VIPR2: variants seen among roughly 807,000 people sequenced by gnomAD.
VIPR2 encodes vasoactive intestinal peptide receptor 2.
VIPR2 carries 48 observed loss-of-function variants against 58.0 expected under a neutral mutation model. That is an observed-to-expected ratio of 0.83 (90% confidence interval 0.66 to 1.05). VIPR2 has a LOEUF of 1.05. Among genes scored for constraint, VIPR2 ranks in the 50% least tolerant of loss-of-function variants. VIPR2 has a pLI of 0.00. For missense variants in VIPR2, 534 were observed against 558.0 expected (o/e 0.96, Z 0.43); for synonymous variants, 243 against 235.2 (o/e 1.03, Z -0.30).
At chr7:159,101,482 A>G (rs372833185) in intron 4 of VIPR2, among the ~76,000 whole-genome samples, 393 of 60,838 alleles carry the variant, frequency 6.5e-3, no homozygotes, top group Middle Eastern at 0.03. Context: ...GAGATCCGAC[A>G]AGGCCGTTCC....
chr7:159,096,168 G>A lies in VIPR2; in HGVS notation c.357+7589C>T, dbSNP rs145875305. ...GGACCCTTCCCCAGAGCACAATGCC[G>A]GAGGTCCCACCCAAGGCTGCCCAAG... On this transcript the variant is annotated intron_variant, in intron 4 of 12. Coordinates refer to ENST00000262178, the MANE Select transcript of VIPR2 (RefSeq NM_003382.5). The surrounding 1 kb of genome is among the most constrained non-coding windows in gnomAD (Gnocchi z 5.5). Among the ~76,000 whole-genome samples, 281 of 152,288 alleles carry A rather than the reference G, an allele frequency of 1.8e-3. 2 individuals carry two copies. Among genetic ancestry groups the A allele is most frequent in the Middle Eastern group, 0.01 (3 of 294 alleles).
chr7:159,072,121 G>C (rs1481803312), intron 4 of VIPR2, among the ~76,000 whole-genome samples: 1 of 149,062 alleles, frequency 6.7e-6, no homozygotes, highest in African/African-American at 2.6e-5. Context: ...GTACCGGCAG[G>C]TAAGAAAACA....
intron 4 of VIPR2, among the ~76,000 whole-genome samples, chr7:159,070,454 A>T (rs950240074): frequency 1.3e-5 from 2 of 152,054 alleles, no homozygotes; most frequent in Admixed American, 6.6e-5. Context: ...GTTTATGCCC[A>T]GTTTCTCATG....
At chr7:159,107,420 CCCT>C (rs1795796199) in intron 3 of VIPR2, among the ~76,000 whole-genome samples, 1 of 152,234 alleles carries the variant, frequency 6.6e-6, no homozygotes, top group South Asian at 2.1e-4. Flanking sequence ...GTGCCTCTCA[CCCT>C]GGCTCCCTGC....
rs772021947 is a variant in VIPR2 at position 159,127,154 on chromosome 7, A to G, written c.151+15292T>C. Among the ~76,000 whole-genome samples, 2 of 152,226 alleles carry G rather than the reference A, an allele frequency of 1.3e-5. No individual in the cohort carries two copies. Among genetic ancestry groups the G allele is most frequent in the Non-Finnish European group, 2.9e-5 (2 of 68,046 alleles). On this transcript the variant is annotated intron_variant, in intron 2 of 12. Coordinates refer to ENST00000262178, the MANE Select transcript of VIPR2 (RefSeq NM_003382.5). The surrounding 1 kb of genome is among the most constrained non-coding windows in gnomAD (Gnocchi z 4.6). Reference sequence around the variant, plus strand: ...CTTCAGATGACTCAGATACGCTGACATTCTGTCTAATTAGTGCGCTGCATG... The same window carrying G: ...CTTCAGATGACTCAGATACGCTGACGTTCTGTCTAATTAGTGCGCTGCATG...
intron 3 of VIPR2, among the ~76,000 whole-genome samples, chr7:159,104,777 C>A (rs1002068240): frequency 6.6e-6 from 1 of 151,700 alleles, no homozygotes; most frequent in Non-Finnish European, 1.5e-5. Flanking sequence ...CCAGCCAGCA[C>A]CCTTGCCACC....
chr7:159,072,290 C>G (rs1170513323), intron 4 of VIPR2, among the ~76,000 whole-genome samples: 1 of 152,206 alleles, frequency 6.6e-6, no homozygotes, highest in Non-Finnish European at 1.5e-5. Context: ...CTAAAGCTTA[C>G]AGAATGACAC....
At chr7:159,032,246 C>G (rs1205701227) in intron 10 of VIPR2, among the ~76,000 whole-genome samples, 179 bp from the exon 11 acceptor site, 1 of 152,218 alleles carries the variant, frequency 6.6e-6, no homozygotes, top group East Asian at 1.9e-4. Context: ...TGTCTGAGGC[C>G]CCTGTGCATA....
chr7:159,079,795 A>T (rs1856815178), intron 4 of VIPR2, among the ~76,000 whole-genome samples: 1 of 152,234 alleles, frequency 6.6e-6, no homozygotes, highest in Admixed American at 6.5e-5. Context: ...ATCACCACCA[A>T]TCCCACAGAA....
At chr7:159,107,322 C>T (rs528226729) in intron 3 of VIPR2, among the ~76,000 whole-genome samples, 32 of 152,210 alleles carry the variant, frequency 2.1e-4, no homozygotes, top group Non-Finnish European at 4.4e-5. Flanking sequence ...GGTCAGCACA[C>T]AGCTGTCGGA....
At chr7:159,103,351 AC>A (rs1397089729) in intron 4 of VIPR2, among the ~76,000 whole-genome samples, 3 of 152,166 alleles carry the variant, frequency 2.0e-5, no homozygotes, top group African/African-American at 7.2e-5. Context: ...GGCTCAGGAA[AC>A]CATGGCGCTG....
At position 159,103,850 on chromosome 7, in the gene VIPR2, G is replaced by A. The variant is rs987392999; in HGVS notation, c.264C>T (p.Asn88=). 4.3e-6 allele frequency: 7 copies of A among 1,613,766 alleles called. No homozygotes were observed. The African/African-American group carries it at 9.3e-5, about 22-fold the overall frequency. ...CGTCACTCGTACAGTTTTTGCTTAT[G>A]TTTCCTGGAAAGTGAAGTTCAGATA... ...VFSNFYSKAG[N]ISKNCTSDGW... The change falls in exon 4 of 13, where the codon AAC becomes AAT. Residue 88 remains asparagine (N), a synonymous_variant. Transcript: ENST00000262178.
chr7:159,069,942 T>C (rs897699288), intron 4 of VIPR2, among the ~76,000 whole-genome samples: 1 of 152,202 alleles, frequency 6.6e-6, no homozygotes, highest in Non-Finnish European at 1.5e-5. Context: ...TTTCCTTCTG[T>C]AGTTTGTCAA....
At chr7:159,139,362 G>C (rs1344741961) in intron 2 of VIPR2, among the ~76,000 whole-genome samples, 1 of 152,110 alleles carries the variant, frequency 6.6e-6, no homozygotes, top group Non-Finnish European at 1.5e-5. Context: ...ACTGCTCCTG[G>C]GGGGCTTGAG....
chr7:159,084,296 G>C (rs1226773484), intron 4 of VIPR2, among the ~76,000 whole-genome samples: 2 of 152,264 alleles, frequency 1.3e-5, no homozygotes, highest in Non-Finnish European at 2.9e-5. Flanking sequence ...AGTGCTCGGG[G>C]CAGGAACTCT....
In VIPR2 at chr7:159,128,138, G is replaced by A. The variant is rs1039357073; in HGVS notation, c.151+14308C>T. ...TCAGGCTCCTGCTGCCTCTGCCCCT[G>A]AGGGATGTGACGGGGGTGGGGGGAC... On this transcript the variant is annotated intron_variant, in intron 2 of 12. Transcript: ENST00000262178. This position sits in a 1 kb window ranked among gnomAD's most constrained non-coding sequence, Gnocchi z 4.1. Among the ~76,000 whole-genome samples, 2 of 152,158 alleles carry A rather than the reference G, an allele frequency of 1.3e-5. No homozygotes were observed. The highest frequency in any genetic ancestry group is 2.4e-5 in the African/African-American group (1 of 41,434).
chr7:159,114,306 C>T lies in VIPR2; in HGVS notation c.152-4387G>A, dbSNP rs569300093. ...AGAAGGGGAGGCAGGCAGGGCCACC[C>T]CCGAGAGAAGCACAGCCACTTGGAG... On this transcript the variant is annotated intron_variant, in intron 2 of 12. Transcript: ENST00000262178. Among the ~76,000 whole-genome samples, 256 of 148,120 alleles carry T rather than the reference C, an allele frequency of 1.7e-3. 3 individuals are homozygous for T. Among genetic ancestry groups the T allele is most frequent in the Admixed American group, 1.9e-3 (29 of 14,896 alleles).
intron 2 of VIPR2, among the ~76,000 whole-genome samples, chr7:159,135,923 A>G (rs1797201030): frequency 6.6e-6 from 1 of 152,184 alleles, no homozygotes; most frequent in Non-Finnish European, 1.5e-5. Flanking sequence ...ACCCTCAAAC[A>G]CACAGGTCCT....
In VIPR2 at chr7:159,035,942, A is replaced by G. The variant is rs768835999; in HGVS notation, c.809+10T>C. On this transcript the variant is annotated intron_variant, in intron 8 of 12. Transcript: ENST00000262178. The stretch of plus-strand genomic sequence containing the variant: ...CCGTTTTCGAGGTTGCAGTCTGGTC[A>G]TGGACTCACCCGGTGTCTTCTAAGT... 6.2e-7 allele frequency: 1 copy of G among 1,613,204 alleles called. No homozygotes were observed. Among genetic ancestry groups the G allele is most frequent in the Non-Finnish European group, 8.5e-7 (1 of 1,179,458 alleles).
Sources: allele counts gnomAD v4.1 joint callset (sites outside exome capture counted in the v4.1 genomes callset), GRCh38; gene constraint gnomAD v4.1.1; non-coding constraint Gnocchi (gnomAD v3.1); transcripts MANE v1.5; gene names NCBI Gene and HGNC (gene_info 2026-07-23, HGNC 2026-07-21).